Variants in PARD3B observed in about 807,000 individuals in gnomAD.
PARD3B encodes the protein par-3 family cell polarity regulator beta.
In PARD3B, 103 loss-of-function variants were observed where a neutral mutation model predicts 130.2. The observed-to-expected ratio is 0.79, with a 90% CI of 0.67 to 0.93. The LOEUF (loss-of-function observed/expected upper bound fraction) is 0.93, where lower values mean the gene tolerates loss of function less well. Ranked by LOEUF, PARD3B falls within the 40% of genes least tolerant of loss-of-function variation. PARD3B has a pLI of 0.00. For missense variants in PARD3B, 1,609 were observed against 1,499.2 expected (o/e 1.07, Z -1.21); for synonymous variants, 583 against 553.2 (o/e 1.05, Z -0.76).
At chr2:204,760,804 A>T (rs976877996) in intron 2 of PARD3B, among the ~76,000 whole-genome samples, 1 of 152,120 alleles carries the variant, frequency 6.6e-6, no homozygotes, top group Non-Finnish European at 1.5e-5. Flanking sequence ...TCCTTTTCAA[A>T]ATTTGCATTA....
At chr2:204,755,709 A>AT (rs147241775) in intron 2 of PARD3B, among the ~76,000 whole-genome samples, 6,224 of 152,144 alleles carry the variant, frequency 0.041, 187 homozygotes, top group East Asian at 0.16. Context: ...TTCAACATAC[A>AT]TTTTTTCAGG....
rs758241997 is a variant in PARD3B at position 204,965,167 on chromosome 2, G to T, written c.238G>T (p.Glu80Ter). 1 of 1,613,392 alleles carries T rather than the reference G, an allele frequency of 6.2e-7. No homozygotes were observed. The highest frequency in any genetic ancestry group is 1.1e-5 in the South Asian group (1 of 91,032). The change falls in exon 3 of 23, where the codon GAA (glutamate) becomes TAA (stop). Residue 80 changes from glutamate (E) to a stop codon, truncating the protein, a stop_gained. Transcript: ENST00000406610. LOFTEE classifies it high-confidence loss of function. ...EDKDKLIAVF[E>*]EQEPLHKIES... is the part of the protein sequence containing the mutation. ...TTGTTTGTAGCTGATTGCTGTGTTT[G>T]AAGAACAAGAACCACTCCACAAGAT...
intron 10 of PARD3B, among the ~76,000 whole-genome samples, chr2:205,135,778 G>A (rs911274811): frequency 7.2e-5 from 11 of 151,934 alleles, no homozygotes; most frequent in African/African-American, 1.2e-4. Context: ...TGAACCTGTC[G>A]GATACAATCA....
chr2:204,559,878 A>G (rs774928605), intron 1 of PARD3B, among the ~76,000 whole-genome samples: 4 of 152,192 alleles, frequency 2.6e-5, no homozygotes, highest in Non-Finnish European at 4.4e-5. Flanking sequence ...GTGAGTTCCT[A>G]TTCTTTGCAG....
At chr2:205,087,170 A>G (rs1575743535) in intron 4 of PARD3B, among the ~76,000 whole-genome samples, 1 of 152,206 alleles carries the variant, frequency 6.6e-6, no homozygotes, top group East Asian at 1.9e-4. Flanking sequence ...TTAAAAGTAC[A>G]TCCAAACTGA....
intron 1 of PARD3B, among the ~76,000 whole-genome samples, chr2:204,631,351 G>C (rs533452358): frequency 6.6e-6 from 1 of 151,946 alleles, no homozygotes; most frequent in South Asian, 2.1e-4. Flanking sequence ...TCGGGTTCAA[G>C]CAATTCTCCT....
At chr2:204,577,570 A>G (rs1333196935) in intron 1 of PARD3B, among the ~76,000 whole-genome samples, 2 of 151,862 alleles carry the variant, frequency 1.3e-5, no homozygotes, top group Non-Finnish European at 2.9e-5. Flanking sequence ...TCTCACTTTT[A>G]TTTGGTTTTA....
chr2:204,766,057 A>G (rs1298616311), intron 2 of PARD3B, among the ~76,000 whole-genome samples: 4 of 152,156 alleles, frequency 2.6e-5, no homozygotes, highest in Non-Finnish European at 5.9e-5. Flanking sequence ...TTCCTCCCAA[A>G]CTTGATACTT....
chr2:205,113,237 G>A (rs898760422), intron 5 of PARD3B, among the ~76,000 whole-genome samples: 11 of 152,088 alleles, frequency 7.2e-5, no homozygotes. Flanking sequence ...AGTTATTTTT[G>A]TAGGTAGTCA....
In PARD3B at chr2:205,448,343, T is replaced by A. The variant is rs532807666; in HGVS notation, c.3044+7671T>A. On this transcript the variant is annotated intron_variant, in intron 20 of 22. Coordinates refer to ENST00000406610, the MANE Select transcript of PARD3B (RefSeq NM_001302769.2). Reference sequence around the variant, plus strand: ...GATTTTAATCCTTTACACTTATTAATGTGGCCTAAGCTTTTATGTCCATTG... The same window carrying A: ...GATTTTAATCCTTTACACTTATTAAAGTGGCCTAAGCTTTTATGTCCATTG... Among the ~76,000 whole-genome samples the A allele has an allele frequency of 1.6e-4, 25 of 152,348 alleles. No homozygotes were observed. In the East Asian group the frequency reaches 4.8e-3, roughly 29 times the overall value.
intron 1 of PARD3B, among the ~76,000 whole-genome samples, chr2:204,652,884 A>AG: frequency 6.6e-6 from 1 of 151,244 alleles, no homozygotes. Context: ...TACAAGTGAA[A>AG]GGGGAAGTGC....
chr2:204,649,735 C>T (rs1387595965), intron 1 of PARD3B, among the ~76,000 whole-genome samples: 1 of 152,120 alleles, frequency 6.6e-6, no homozygotes, highest in Non-Finnish European at 1.5e-5. Context: ...AAATTGGACA[C>T]CTTCCTTAAA....
At chr2:204,576,344 G>C (rs986191796) in intron 1 of PARD3B, among the ~76,000 whole-genome samples, 1 of 152,110 alleles carries the variant, frequency 6.6e-6, no homozygotes, top group African/African-American at 2.4e-5. Flanking sequence ...ATTTGAATGT[G>C]TCTCTGTAAT....
rs114383702 is a variant in PARD3B, at chr2:205,498,970, G to T, written c.3045-926G>T. 9.1e-4 allele frequency among the ~76,000 whole-genome samples: 139 copies of T among 152,252 alleles called. 1 individual carries two copies. Among genetic ancestry groups the T allele is most frequent in the Middle Eastern group, 3.4e-3 (1 of 294 alleles). On this transcript the variant is annotated intron_variant, in intron 20 of 22. Coordinates refer to ENST00000406610, the MANE Select transcript of PARD3B (RefSeq NM_001302769.2). ...CCTACCTCCCAGACTATTTGTTTTTGCAGGTAAGGACTGTGAAGTGTTCCT... is the reference window on the plus strand; with the variant it reads ...CCTACCTCCCAGACTATTTGTTTTTTCAGGTAAGGACTGTGAAGTGTTCCT...
At chr2:205,567,494 TTGTA>T (rs2053397037) in intron 22 of PARD3B, among the ~76,000 whole-genome samples, 1 of 145,534 alleles carries the variant, frequency 6.9e-6, no homozygotes, top group Non-Finnish European at 1.5e-5. Flanking sequence ...TTTTTTTTTT[TTGTA>T]TTTTTAGTGG....
At position 204,623,963 on chromosome 2, in the gene PARD3B, G is replaced by A. The variant is rs113687941; in HGVS notation, c.121-62218G>A. 0.014 allele frequency among the ~76,000 whole-genome samples: 2,127 copies of A among 152,246 alleles called. 49 individuals carry two copies. The highest frequency in any genetic ancestry group is 0.046 in the African/African-American group (1,912 of 41,550). On this transcript the variant is annotated intron_variant, in intron 1 of 22. Transcript: ENST00000406610. The surrounding 1 kb of genome is among the most constrained non-coding windows in gnomAD (Gnocchi z 4.5). ...CCATAATGTCTACAGTTCTGTCCAT[G>A]TCATTGGCAGGACTTTCTTTTTAGA...
chr2:205,328,929 T>C (rs2043021939), intron 18 of PARD3B, among the ~76,000 whole-genome samples: 1 of 152,110 alleles, frequency 6.6e-6, no homozygotes, highest in African/African-American at 2.4e-5. Context: ...GGTGAAATAG[T>C]ATATCTTTTC....
intron 2 of PARD3B, among the ~76,000 whole-genome samples, chr2:204,786,527 G>A (rs1308873841): frequency 2.1e-5 from 3 of 142,558 alleles, no homozygotes; most frequent in Non-Finnish European, 4.4e-5. Flanking sequence ...CCATCTCATC[G>A]GATGGCAATA....
chr2:205,004,452 A>G (rs1695093655), intron 3 of PARD3B, among the ~76,000 whole-genome samples: 1 of 152,222 alleles, frequency 6.6e-6, no homozygotes, highest in African/African-American at 2.4e-5. Context: ...TTCAGGCCCT[A>G]AGCATACACA....
Sources: gnomAD v4.1 joint callset for allele counts (sites outside exome capture counted in the v4.1 genomes callset) on GRCh38, gnomAD v4.1.1 for gene constraint, Gnocchi (gnomAD v3.1) non-coding constraint, MANE v1.5 for transcripts, NCBI Gene and HGNC (gene_info 2026-07-23, HGNC 2026-07-21) for gene names.